The following KCNH7 variants were observed in gnomAD, a reference collection of about 807,000 sequenced individuals.
The protein encoded by KCNH7 is voltage-gated inwardly rectifying potassium channel KCNH7.
In KCNH7, 49 loss-of-function variants were observed where a neutral mutation model predicts 120.8. The ratio of observed to expected loss-of-function variants is 0.41; its 90% CI spans 0.32 to 0.51. KCNH7 has a LOEUF of 0.51. KCNH7 is among the 20% of genes least tolerant of loss of function. The pLI, the probability that KCNH7 is intolerant of heterozygous loss-of-function variation, is 0.38. For synonymous variants in KCNH7, 547 were observed against 516.1 expected (o/e 1.06, Z -0.81); for missense variants, 1,097 against 1,446.6 (o/e 0.76, Z 3.92).
At chr2:162,813,860 A>G (rs963563315) in intron 2 of KCNH7, among the ~76,000 whole-genome samples, 7 of 152,216 alleles carry the variant, frequency 4.6e-5, no homozygotes, top group Admixed American at 2.0e-4. Context: ...CTAAGTGAAC[A>G]TGATACAATA....
At chr2:162,418,528 T>C (rs1189074678) in intron 9 of KCNH7, among the ~76,000 whole-genome samples, 2 of 152,166 alleles carry the variant, frequency 1.3e-5, no homozygotes, top group African/African-American at 4.8e-5. Flanking sequence ...GTTGCTGAAT[T>C]GAACATAACT....
At chr2:162,445,302 C>T (rs534465913) in intron 7 of KCNH7, among the ~76,000 whole-genome samples, 1 of 152,114 alleles carries the variant, frequency 6.6e-6, no homozygotes, top group African/African-American at 2.4e-5. Flanking sequence ...TCAACCTATT[C>T]CCTTGGAACT....
intron 2 of KCNH7, among the ~76,000 whole-genome samples, chr2:162,587,571 A>G (rs906509189): frequency 1.3e-5 from 2 of 152,060 alleles, no homozygotes. Flanking sequence ...ACACGTTTAT[A>G]TTTAGTTACA....
chr2:162,460,360 AGTTC>A (rs952358389), intron 6 of KCNH7, among the ~76,000 whole-genome samples: 1 of 152,162 alleles, frequency 6.6e-6, no homozygotes, highest in Non-Finnish European at 1.5e-5. Flanking sequence ...AGCTTACTTT[AGTTC>A]TTGCTTTTAA....
chr2:162,408,205 T>G (rs1687286382), intron 9 of KCNH7, among the ~76,000 whole-genome samples: 1 of 152,052 alleles, frequency 6.6e-6, no homozygotes, highest in African/African-American at 2.4e-5. Context: ...TTCATCTAAT[T>G]TTTTGGTTTT....
chr2:162,553,818 G>A (rs1352484994), intron 2 of KCNH7, among the ~76,000 whole-genome samples: 2 of 152,136 alleles, frequency 1.3e-5, no homozygotes. Context: ...ATAAGTAACA[G>A]ACAAGGTCCC....
At chr2:162,522,482 A>T (rs566037814) in intron 3 of KCNH7, among the ~76,000 whole-genome samples, 1 of 152,026 alleles carries the variant, frequency 6.6e-6, no homozygotes, top group African/African-American at 2.4e-5. Flanking sequence ...ACTGCAGTTC[A>T]TCCGGAAAGA....
At chr2:162,539,883 A>G (rs1455777205) in intron 2 of KCNH7, among the ~76,000 whole-genome samples, 1 of 152,120 alleles carries the variant, frequency 6.6e-6, no homozygotes, top group Non-Finnish European at 1.5e-5. Context: ...TTAGAGGAAG[A>G]GAAGAATAGA....
intron 2 of KCNH7, among the ~76,000 whole-genome samples, chr2:162,716,661 C>T (rs1687134411): frequency 6.6e-6 from 1 of 152,036 alleles, no homozygotes; most frequent in South Asian, 2.1e-4. Context: ...CTATTAAGCC[C>T]TTTTCAAAAG....
intron 2 of KCNH7, among the ~76,000 whole-genome samples, chr2:162,582,239 C>T (rs1693894193): frequency 6.6e-6 from 1 of 152,004 alleles, no homozygotes; most frequent in South Asian, 2.1e-4. Flanking sequence ...AGATTTGCTG[C>T]CCAAAAACAT....
At chr2:162,493,470 G>C (rs1350347926) in intron 6 of KCNH7, among the ~76,000 whole-genome samples, 1 of 152,178 alleles carries the variant, frequency 6.6e-6, no homozygotes, top group African/African-American at 2.4e-5. Flanking sequence ...ATGTAAATAT[G>C]TGGTCTAAAG....
rs1375875190 is a variant in KCNH7 at position 162,442,048 on chromosome 2, G to A, written c.1554+3970C>T. 1.3e-4 allele frequency among the ~76,000 whole-genome samples: 12 copies of A among 94,038 alleles called. No individual in the cohort carries two copies. In the East Asian group the frequency reaches 3.9e-3, roughly 30 times the overall value. The allele number at this position is 94,038 out of a possible 152,430, so 61.7% of individuals were successfully genotyped here. On this transcript the variant is annotated intron_variant, in intron 7 of 15. Coordinates refer to ENST00000332142, the MANE Select transcript of KCNH7 (RefSeq NM_033272.4). ...TTTTTTTTTTTTGAGATGGAGTCTCGCTCTTTCGCCCAGGCTGGAGTGCAG... is the reference window on the plus strand; with the variant it reads ...TTTTTTTTTTTTGAGATGGAGTCTCACTCTTTCGCCCAGGCTGGAGTGCAG...
At chr2:162,822,890 C>T in intron 2 of KCNH7, among the ~76,000 whole-genome samples, 1 of 152,228 alleles carries the variant, frequency 6.6e-6, no homozygotes, top group East Asian at 1.9e-4. Context: ...CACTCCTGTA[C>T]AGCTGGAGGC....
chr2:162,548,573 T>C (rs1574088777), intron 2 of KCNH7, among the ~76,000 whole-genome samples: 2 of 152,020 alleles, frequency 1.3e-5, no homozygotes, highest in East Asian at 3.9e-4. Flanking sequence ...ATGAGGATGA[T>C]GTGATTTGTT....
intron 2 of KCNH7, among the ~76,000 whole-genome samples, chr2:162,577,282 G>GATCT (rs1336529166): frequency 0.011 from 1,393 of 121,384 alleles, 21 homozygotes; most frequent in African/African-American, 0.03. Flanking sequence ...TTAACAGATA[G>GATCT]ATCTATCTGT....
chr2:162,672,793 TTAAAA>T (rs1411068947), intron 2 of KCNH7, among the ~76,000 whole-genome samples: 2 of 151,828 alleles, frequency 1.3e-5, no homozygotes, highest in African/African-American at 4.8e-5. Flanking sequence ...CAAATATTCT[TTAAAA>T]TAAAACAATA....
intron 2 of KCNH7, among the ~76,000 whole-genome samples, chr2:162,695,655 T>C (rs1185029300): frequency 6.6e-6 from 1 of 152,158 alleles, no homozygotes; most frequent in Admixed American, 6.6e-5. Context: ...TGGTTTTGCC[T>C]GGTATAATGG....
chr2:162,827,605 A>G (rs1040564977), intron 2 of KCNH7, among the ~76,000 whole-genome samples: 1 of 152,188 alleles, frequency 6.6e-6, no homozygotes, highest in African/African-American at 2.4e-5. Context: ...ATGTGAATTA[A>G]GTTAACCAGA....
intron 9 of KCNH7, among the ~76,000 whole-genome samples, chr2:162,413,660 C>G (rs1011321834): frequency 6.6e-6 from 1 of 151,482 alleles, no homozygotes; most frequent in East Asian, 1.9e-4. Flanking sequence ...AATCATATAC[C>G]AAATCGTATA....
Sources: allele counts gnomAD v4.1 joint callset (sites outside exome capture counted in the v4.1 genomes callset), GRCh38; gene constraint gnomAD v4.1.1; transcripts MANE v1.5; gene names NCBI Gene and HGNC (gene_info 2026-07-23, HGNC 2026-07-21).